Variants in SWAP70 observed in about 807,000 individuals in gnomAD.
SWAP70 encodes the protein switching B cell complex subunit SWAP70.
SWAP70 carries 34 observed loss-of-function variants against 80.2 expected under a neutral mutation model. The observed-to-expected ratio is 0.42, with a 90% CI of 0.32 to 0.56. SWAP70 has a LOEUF of 0.56. Among genes scored for constraint, SWAP70 ranks in the 20% least tolerant of loss-of-function variants. SWAP70 has a pLI of 0.09. For synonymous variants in SWAP70, 239 were observed against 238.5 expected (o/e 1.00, Z -0.02); for missense variants, 578 against 690.7 (o/e 0.84, Z 1.83).
At chr11:9,690,380 C>G (rs969769355) in intron 1 of SWAP70, among the ~76,000 whole-genome samples, 1 of 152,140 alleles carries the variant, frequency 6.6e-6, no homozygotes, top group Non-Finnish European at 1.5e-5. Flanking sequence ...GAGTTTGAGA[C>G]CAGTCTGGCC....
chr11:9,675,346 C>A (rs935036413), intron 1 of SWAP70, among the ~76,000 whole-genome samples: 760 of 8,376 alleles, frequency 0.091, 42 homozygotes, highest in South Asian at 0.12. Context: ...AGAGAGGGAG[C>A]GAGAGAGAGA....
rs1205052002 is a variant in SWAP70 at position 9,738,237 on chromosome 11, GC to G, written c.1106del (p.Ala369GlufsTer59). 6.2e-7 allele frequency: 1 copy of G among 1,610,208 alleles called. No individual in the cohort carries two copies. Among genetic ancestry groups the G allele is most frequent in the African/African-American group, 1.3e-5 (1 of 74,660 alleles). ...RKKLEEAASR[A>X]AEEEKKRLQT... The stretch of plus-strand genomic sequence containing the variant: ...GAAACTGGAGGAAGCAGCATCTCGT[GC>G]AGCAGAAGAGGAAAAGAAACGCCTT... On this transcript the variant is annotated frameshift_variant, in exon 8 of 12. Transcript: ENST00000318950. LOFTEE classifies it high-confidence loss of function.
chr11:9,664,609 A>C (rs1850286975), intron 1 of SWAP70, among the ~76,000 whole-genome samples: 1 of 152,142 alleles, frequency 6.6e-6, no homozygotes. Context: ...CAGAAAGTGG[A>C]TTCTGAGGCG....
rs375383901 is a variant in SWAP70 at position 9,750,151 on chromosome 11, A to C, written c.*181A>C. ...TCAGGAGTTCAAGAGCAGCCTGGCCAACCTGGTGAAACCCTGTCTCTACTA... is the reference window on the plus strand; with the variant it reads ...TCAGGAGTTCAAGAGCAGCCTGGCCCACCTGGTGAAACCCTGTCTCTACTA... On this transcript the variant is annotated 3_prime_UTR_variant, in exon 12 of 12. Transcript: ENST00000318950. The C allele has an allele frequency of 8.0e-6, 3 of 373,470 alleles. No homozygotes were observed. Among genetic ancestry groups the C allele is most frequent in the East Asian group, 4.5e-5 (1 of 22,284 alleles). The allele number at this position is 373,470 out of a possible 1,614,324, so 23.1% of individuals were successfully genotyped here.
chr11:9,685,841 C>G (rs549007948), intron 1 of SWAP70, among the ~76,000 whole-genome samples: 93 of 152,228 alleles, frequency 6.1e-4, no homozygotes, highest in African/African-American at 2.1e-3. Context: ...ACCATGTTGG[C>G]CAGGATGGCC....
chr11:9,740,862 A>AT lies in SWAP70; in HGVS notation c.1355+523dup, dbSNP rs560305228. Reference sequence around the variant, plus strand: ...AATTTTAAAAGTATTTGAAACCTAGATTTTTTTTCCCCTTAGAACTTTATG... The same window carrying AT: ...AATTTTAAAAGTATTTGAAACCTAGATTTTTTTTTCCCCTTAGAACTTTATG... On this transcript the variant is annotated intron_variant, in intron 9 of 11. Coordinates refer to ENST00000318950, the MANE Select transcript of SWAP70 (RefSeq NM_015055.4). The AT allele has an allele frequency of 2.5e-3, 404 of 159,656 alleles. 3 individuals are homozygous for AT. The highest frequency in any genetic ancestry group is 8.9e-3 in the African/African-American group (371 of 41,554). 9.9% of individuals were successfully genotyped at this position (159,656 alleles called of 1,614,324 possible).
At chr11:9,672,227 A>ATATATG (rs1590008620) in intron 1 of SWAP70, among the ~76,000 whole-genome samples, 1 of 136,400 alleles carries the variant, frequency 7.3e-6, no homozygotes, top group Non-Finnish European at 1.6e-5. Flanking sequence ...ATATATATAT[A>ATATATG]TGATTGTAAA....
intron 1 of SWAP70, among the ~76,000 whole-genome samples, chr11:9,674,739 C>T (rs866306281): frequency 2.0e-5 from 3 of 150,646 alleles, no homozygotes; most frequent in Middle Eastern, 3.3e-3. Flanking sequence ...CCGAGGTGGG[C>T]GGATCACGAG....
intron 1 of SWAP70, among the ~76,000 whole-genome samples, chr11:9,679,966 G>A (rs896194416): frequency 6.6e-6 from 1 of 152,138 alleles, no homozygotes; most frequent in African/African-American, 2.4e-5. Flanking sequence ...ACTGCACGCG[G>A]CCTGCTTTTT....
intron 9 of SWAP70, among the ~76,000 whole-genome samples, chr11:9,745,780 G>C (rs906718978): frequency 2.0e-5 from 3 of 152,194 alleles, no homozygotes; most frequent in Non-Finnish European, 4.4e-5. Context: ...CACAGAAAAA[G>C]AGTGAGGCAC....
Position 9,752,171 on chromosome 11 carries a change from T to C in SWAP70, c.*2201T>C, listed in dbSNP as rs1169856937. ...CATGGTGGGGAGGATCATGATGGAA[T>C]ATGTGAATTTCTACTTCTAGAAGTT... On this transcript the variant is annotated 3_prime_UTR_variant, in exon 12 of 12. Coordinates refer to ENST00000318950, the MANE Select transcript of SWAP70 (RefSeq NM_015055.4). 6.6e-6 allele frequency: 1 copy of C among 152,232 alleles called. No individual in the cohort carries two copies. Among genetic ancestry groups the C allele is most frequent in the African/African-American group, 2.4e-5 (1 of 41,464 alleles). 9.4% of individuals were successfully genotyped at this position (152,232 alleles called of 1,614,324 possible). A position where few individuals can be genotyped will look rare whatever the true frequency, so the allele number is the denominator to read the frequency against.
intron 1 of SWAP70, chr11:9,681,101 C>T (rs574743989): frequency 6.5e-6 from 1 of 152,766 alleles, no homozygotes; most frequent in Non-Finnish European, 1.5e-5. Context: ...GAGGACCAGT[C>T]TTCGGTCAAG....
chr11:9,737,326 G>A (rs1392610021), intron 7 of SWAP70, among the ~76,000 whole-genome samples: 1 of 152,170 alleles, frequency 6.6e-6, no homozygotes, highest in African/African-American at 2.4e-5. Flanking sequence ...GGGAGGGAGT[G>A]CATCATATGC....
intron 2 of SWAP70, among the ~76,000 whole-genome samples, chr11:9,702,411 G>T (rs373920961): frequency 5.4e-5 from 8 of 147,408 alleles, no homozygotes; most frequent in Non-Finnish European, 6.0e-5. Context: ...GTTTTGTTTT[G>T]TTTTTTTTTT....
intron 10 of SWAP70, 74 bp downstream of exon 10, chr11:9,748,130 C>G: frequency 6.9e-7 from 1 of 1,445,192 alleles, no homozygotes. Flanking sequence ...GAATTATTTG[C>G]TTAGCTGCCA....
chr11:9,730,578 A>G (rs1298153680), intron 6 of SWAP70, among the ~76,000 whole-genome samples: 1 of 152,196 alleles, frequency 6.6e-6, no homozygotes, highest in Non-Finnish European at 1.5e-5. Context: ...TTTGAAGAAT[A>G]TAGAATTTTC....
chr11:9,732,201 T>C (rs1851306804), intron 6 of SWAP70, among the ~76,000 whole-genome samples: 1 of 152,208 alleles, frequency 6.6e-6, no homozygotes, highest in African/African-American at 2.4e-5. Context: ...TAAAAATGTG[T>C]GCAATATTCC....
At chr11:9,718,471 C>G (rs954072396) in intron 3 of SWAP70, among the ~76,000 whole-genome samples, 16 of 152,316 alleles carry the variant, frequency 1.1e-4, no homozygotes, top group African/African-American at 3.8e-4. Context: ...GCACTGCAAA[C>G]TCAAGGTTAT....
rs574214661 is a variant in SWAP70 at position 9,687,511 on chromosome 11, T to C, written c.100-6635T>C. Among the ~76,000 whole-genome samples the C allele has an allele frequency of 7.2e-5, 11 of 152,332 alleles. No homozygotes were observed. In the East Asian group the frequency reaches 1.9e-3, roughly 27 times the overall value. On this transcript the variant is annotated intron_variant, in intron 1 of 11. Transcript: ENST00000318950. ...GTTTCTTTCTTTTTAAAAGAAAATATAAGCATTTTTCTGTGGTCAAATTTA... is the reference window on the plus strand; with the variant it reads ...GTTTCTTTCTTTTTAAAAGAAAATACAAGCATTTTTCTGTGGTCAAATTTA...
Sources: gnomAD v4.1 joint callset for allele counts (sites outside exome capture counted in the v4.1 genomes callset) on GRCh38, gnomAD v4.1.1 for gene constraint, MANE v1.5 for transcripts, NCBI Gene and HGNC (gene_info 2026-07-23, HGNC 2026-07-21) for gene names.